The following ARHGAP23 variants were observed in gnomAD, a reference collection of about 807,000 sequenced individuals.
The protein encoded by ARHGAP23 is rho GTPase-activating protein 23.
ARHGAP23 carries 34 observed loss-of-function variants against 136.3 expected under a neutral mutation model. The observed-to-expected ratio is 0.25, with a 90% CI of 0.19 to 0.33. The LOEUF (loss-of-function observed/expected upper bound fraction) is 0.33, where lower values mean the gene tolerates loss of function less well. ARHGAP23 is among the 10% of genes least tolerant of loss of function. The pLI, the probability that ARHGAP23 is intolerant of heterozygous loss-of-function variation, is 1.00. For missense variants in ARHGAP23, 1,808 were observed against 2,139.0 expected (o/e 0.85, Z 3.05); for synonymous variants, 832 against 920.5 (o/e 0.90, Z 1.74).
intron 11 of ARHGAP23, among the ~76,000 whole-genome samples, chr17:38,472,870 G>T (rs989130706): frequency 6.6e-6 from 1 of 152,238 alleles, no homozygotes; most frequent in African/African-American, 2.4e-5. Context: ...AGGATTAAAT[G>T]AGATGATCTA....
In ARHGAP23 at chr17:38,458,186, C is replaced by G. The variant is rs1171481105; in HGVS notation, c.148C>G (p.Pro50Ala). The G allele has an allele frequency of 6.5e-7, 1 of 1,536,078 alleles. No homozygotes were observed. The highest frequency in any genetic ancestry group is 2.0e-5 in the Admixed American group (1 of 50,992). Residue 50 changes from proline to alanine, a missense_variant, in exon 2 of 24, where the codon CCC becomes GCC. Transcript: ENST00000622683. ...GPRTLLLYKS[P>A]QDGFGFTLRH... is the part of the protein sequence containing the mutation. ...GAGGACGCTGCTGCTGTACAAAAGT[C>G]CCCAGGACGGCTTTGGCTTCACTCT...
chr17:38,455,469 A>G (rs12452522), intron 1 of ARHGAP23, among the ~76,000 whole-genome samples: 73,759 of 152,040 alleles, frequency 0.49, 19,944 homozygotes, highest in African/African-American at 0.73. Flanking sequence ...CATGCCTCCT[A>G]CCCTGGATTC....
intron 1 of ARHGAP23, among the ~76,000 whole-genome samples, chr17:38,442,609 G>C (rs543275855): frequency 1.3e-5 from 2 of 152,300 alleles, no homozygotes; most frequent in East Asian, 3.9e-4. Context: ...GGCCAGAGGA[G>C]GTGTGCCTGG....
intron 23 of ARHGAP23, among the ~76,000 whole-genome samples, chr17:38,505,905 G>A (rs2040624660): frequency 6.6e-6 from 1 of 152,148 alleles, no homozygotes; most frequent in South Asian, 2.1e-4. Flanking sequence ...TCCCAGCCTT[G>A]GCAATAGAGT....
At chr17:38,506,982 A>G (rs2040647314) in intron 23 of ARHGAP23, among the ~76,000 whole-genome samples, 2 of 152,258 alleles carry the variant, frequency 1.3e-5, no homozygotes, top group South Asian at 4.2e-4. Context: ...GACAAAAGAA[A>G]AAAAGGCTGT....
chr17:38,420,274 G>A (rs1169210192), intron 1 of ARHGAP23, among the ~76,000 whole-genome samples: 2 of 152,238 alleles, frequency 1.3e-5, no homozygotes, highest in Non-Finnish European at 2.9e-5. Context: ...GGGGCAGAGC[G>A]AGGGGGCTGC....
At position 38,490,466 on chromosome 17, in the gene ARHGAP23, G is replaced by A. The variant is rs753210705; in HGVS notation, c.3065G>A (p.Arg1022Gln). 2.1e-5 allele frequency: 32 copies of A among 1,547,708 alleles called. No individual in the cohort carries two copies. Among genetic ancestry groups the A allele is most frequent in the Non-Finnish European group, 2.5e-5 (29 of 1,145,260 alleles). The stretch of plus-strand genomic sequence containing the variant: ...CCCCTCCTCTCTCCTGCTCAGATCC[G>A]GGATCTCCCAGGACACTACTATGAA... Reference protein sequence around the residue: ...ERMRTLRKLIRDLPGHYYETL... With the variant: ...ERMRTLRKLIQDLPGHYYETL... The change falls in exon 19 of 24, where the codon CGG (arginine) becomes CAG (glutamine). Residue 1022 changes from arginine (R) to glutamine (Q), a missense_variant. Physicochemically the swap from Arg to Gln is conservative, Grantham distance 43 (BLOSUM62 1). Coordinates refer to ENST00000622683, the MANE Select transcript of ARHGAP23 (RefSeq NM_001199417.2).
At chr17:38,469,354 G>T in intron 8 of ARHGAP23, 55 bp downstream of exon 8, 1 of 1,509,764 alleles carries the variant, frequency 6.6e-7, no homozygotes, top group Non-Finnish European at 8.9e-7. Flanking sequence ...CCAGTCCCAG[G>T]GGTCTCTGTT....
At chr17:38,471,826 G>T in intron 10 of ARHGAP23, 37 bp from the exon 11 acceptor site, 2 of 1,507,692 alleles carry the variant, frequency 1.3e-6, no homozygotes, top group Non-Finnish European at 9.0e-7. Flanking sequence ...GGCATTGTGG[G>T]AGCCACCCTA....
chr17:38,448,648 T>C (rs1253621207), intron 1 of ARHGAP23, among the ~76,000 whole-genome samples: 3 of 147,842 alleles, frequency 2.0e-5, no homozygotes, highest in Non-Finnish European at 4.5e-5. Flanking sequence ...GGAGTTTTTT[T>C]TTTTTTTTTT....
intron 1 of ARHGAP23, among the ~76,000 whole-genome samples, chr17:38,441,409 TTC>T (rs2038917126): frequency 6.6e-6 from 1 of 152,046 alleles, no homozygotes. Context: ...CCCTCCTCTC[TTC>T]TCTCTTTCCC....
At position 38,510,305 on chromosome 17, in the gene ARHGAP23, GGGC is replaced by G; in HGVS notation, c.3812_3814del (p.Ala1271del). 1 of 1,281,886 alleles carries G rather than the reference GGGC, an allele frequency of 7.8e-7. No homozygotes were observed. Among genetic ancestry groups the G allele is most frequent in the South Asian group, 2.7e-5 (1 of 37,034 alleles). The allele number at this position is 1,281,886 out of a possible 1,614,324, so 79.4% of individuals were successfully genotyped here. On this transcript the variant is annotated inframe_deletion, in exon 24 of 24. Transcript: ENST00000622683. This position sits in a 1 kb window ranked among gnomAD's most constrained non-coding sequence, Gnocchi z 4.6. ...TCGGGCGCTAGCGGTCGGCGGGCAG[GGGC>G]GGGGGATGAGGCGGACGACGAGCGT...
chr17:38,459,533 C>T (rs1456301919), intron 2 of ARHGAP23, among the ~76,000 whole-genome samples: 1 of 152,160 alleles, frequency 6.6e-6, no homozygotes, highest in Non-Finnish European at 1.5e-5. Flanking sequence ...CCGGAACCCC[C>T]AGTACTTCCT....
intron 10 of ARHGAP23, among the ~76,000 whole-genome samples, chr17:38,470,671 G>A (rs1215201060): frequency 3.3e-5 from 5 of 151,996 alleles, no homozygotes; most frequent in African/African-American, 1.2e-4. Context: ...CGAGCAGCTG[G>A]GATTACAGGC....
Position 38,437,630 on chromosome 17 carries a change from C to A in ARHGAP23, c.63+9082C>A, listed in dbSNP as rs77694365. On this transcript the variant is annotated intron_variant, in intron 1 of 23. Coordinates refer to ENST00000622683, the MANE Select transcript of ARHGAP23 (RefSeq NM_001199417.2). ...AGACCCTACCCACCCCTACCCCCCCCAAAAAATATTAAAGCTGGGTCTTTC... is the reference window on the plus strand; with the variant it reads ...AGACCCTACCCACCCCTACCCCCCCAAAAAAATATTAAAGCTGGGTCTTTC... 3.6e-3 allele frequency among the ~76,000 whole-genome samples: 508 copies of A among 142,640 alleles called. 4 individuals carry two copies. Among genetic ancestry groups the A allele is most frequent in the African/African-American group, 0.013 (472 of 37,336 alleles). The allele number at this position is 142,640 out of a possible 152,430, so 93.6% of individuals were successfully genotyped here.
chr17:38,480,603 T>C (rs1381151294), intron 14 of ARHGAP23, among the ~76,000 whole-genome samples: 38 of 149,534 alleles, frequency 2.5e-4, no homozygotes, highest in Non-Finnish European at 3.7e-4. Flanking sequence ...CACTGCACTC[T>C]AGCCTGGGTG....
chr17:38,427,255 A>C (rs1314383496), upstream of ARHGAP23, among the ~76,000 whole-genome samples: 1 of 152,216 alleles, frequency 6.6e-6, no homozygotes, highest in Non-Finnish European at 1.5e-5. Flanking sequence ...ACTTGAGGTC[A>C]GGAGTTTGAG....
chr17:38,472,310 G>C (rs1388591072), intron 11 of ARHGAP23, among the ~76,000 whole-genome samples: 1 of 152,148 alleles, frequency 6.6e-6, no homozygotes, highest in African/African-American at 2.4e-5. Context: ...TGGCCGCTGG[G>C]GCTCATGGAA....
chr17:38,464,822 T>C (rs1220569142), intron 6 of ARHGAP23, among the ~76,000 whole-genome samples: 5 of 152,136 alleles, frequency 3.3e-5, no homozygotes. Flanking sequence ...GGGCCTCCAC[T>C]GGCCCCCGCA....
Sources: allele counts gnomAD v4.1 joint callset (sites outside exome capture counted in the v4.1 genomes callset), GRCh38; gene constraint gnomAD v4.1.1; non-coding constraint Gnocchi (gnomAD v3.1); transcripts MANE v1.5; gene names NCBI Gene and HGNC (gene_info 2026-07-23, HGNC 2026-07-21).